GOLPH3L: variants seen among roughly 807,000 people sequenced by gnomAD.
GOLPH3L encodes the protein golgi phosphoprotein 3 like, also known as Golgi phosphoprotein 3-like.
In GOLPH3L, 22 loss-of-function variants were observed where a neutral mutation model predicts 30.3. That is an observed-to-expected ratio of 0.73 (90% CI 0.52 to 1.04). The LOEUF (loss-of-function observed/expected upper bound fraction) is 1.04. Among genes scored for constraint, GOLPH3L ranks in the 50% least tolerant of loss-of-function variants. The pLI is 0.00. For missense variants in GOLPH3L, 303 were observed against 345.8 expected (o/e 0.88, Z 0.98); for synonymous variants, 120 against 128.2 (o/e 0.94, Z 0.43).
chr1:150,687,497 C>T (rs1214809366), intron 2 of GOLPH3L, among the ~76,000 whole-genome samples: 1 of 151,742 alleles, frequency 6.6e-6, no homozygotes, highest in African/African-American at 2.4e-5. Flanking sequence ...GAGAATTGAA[C>T]GCGGGAGGCA....
rs746606453 is a variant in GOLPH3L, at chr1:150,671,296, A to G, written c.184-7533T>C. ...TCATTTGTGTGTGTATTTCTGTTGA[A>G]TATCTAGAAGAAAATTCTGGGTCAA... On this transcript the variant is annotated intron_variant, in intron 2 of 4. Coordinates refer to ENST00000271732, the MANE Select transcript of GOLPH3L (RefSeq NM_018178.6). Among the ~76,000 whole-genome samples the G allele has an allele frequency of 6.3e-4, 96 of 152,178 alleles. 2 individuals are homozygous for G. Among genetic ancestry groups the G allele is most frequent in the Non-Finnish European group, 7.2e-4 (49 of 68,034 alleles).
intron 2 of GOLPH3L, among the ~76,000 whole-genome samples, chr1:150,672,556 G>C (rs1458602469): frequency 6.6e-6 from 1 of 152,012 alleles, no homozygotes; most frequent in Non-Finnish European, 1.5e-5. Flanking sequence ...TCAGCCTCCC[G>C]AGTAGCTGGG....
At position 150,694,811 on chromosome 1, in the gene GOLPH3L, G is replaced by C; in HGVS notation, c.28C>G (p.Arg10Gly). 6.2e-7 allele frequency: 1 copy of C among 1,612,012 alleles called. No individual in the cohort carries two copies. The highest frequency in any genetic ancestry group is 1.1e-5 in the South Asian group (1 of 90,788). Residue 10 changes from arginine (R) to glycine (G), a missense_variant, in exon 2 of 5, where the codon CGC (arginine) becomes GGC (glycine). By Grantham distance (125) the Arg-to-Gly change is moderately radical. Coordinates refer to ENST00000271732, the MANE Select transcript of GOLPH3L (RefSeq NM_018178.6). Reference sequence around the variant, plus strand: ...TCAGAGTTCTTGCTTATTTCAGTGCGACGGGCCCGGTGAGTTAAAGTGGTC... The same window carrying C: ...TCAGAGTTCTTGCTTATTTCAGTGCCACGGGCCCGGTGAGTTAAAGTGGTC... MTTLTHRAR[R>G]TEISKNSEKK...
intron 2 of GOLPH3L, among the ~76,000 whole-genome samples, chr1:150,688,230 A>G (rs1651137039): frequency 6.6e-6 from 1 of 152,202 alleles, no homozygotes; most frequent in Non-Finnish European, 1.5e-5. Context: ...GATACACTGT[A>G]TTTCACAATT....
At chr1:150,651,257 G>A (rs968083645) in intron 4 of GOLPH3L, among the ~76,000 whole-genome samples, 1 of 152,104 alleles carries the variant, frequency 6.6e-6, no homozygotes, top group Non-Finnish European at 1.5e-5. Flanking sequence ...AGGCTGCAAT[G>A]AGCTGAGATA....
chr1:150,694,128 G>T, intron 2 of GOLPH3L: 1 of 444,336 alleles, frequency 2.3e-6, no homozygotes, highest in Non-Finnish European at 4.6e-6. Flanking sequence ...CAAAGTGCTG[G>T]GATTACAGGC....
At chr1:150,691,345 A>G (rs1431505828) in intron 2 of GOLPH3L, among the ~76,000 whole-genome samples, 1 of 152,010 alleles carries the variant, frequency 6.6e-6, no homozygotes, top group African/African-American at 2.4e-5. Context: ...GTGAAACCCC[A>G]TCTCTACTAA....
At chr1:150,692,218 CT>C (rs1382996928) in intron 2 of GOLPH3L, among the ~76,000 whole-genome samples, 1 of 151,972 alleles carries the variant, frequency 6.6e-6, no homozygotes, top group South Asian at 2.1e-4. Flanking sequence ...TGTAACTGGC[CT>C]TTTGTAACTA....
At chr1:150,684,445 G>C (rs1464497678) in intron 2 of GOLPH3L, among the ~76,000 whole-genome samples, 5 of 150,232 alleles carry the variant, frequency 3.3e-5, no homozygotes, top group African/African-American at 4.9e-5. Context: ...GCCTCCCAAA[G>C]TGCTGAGATT....
At chr1:150,678,231 G>A (rs989317353) in intron 2 of GOLPH3L, among the ~76,000 whole-genome samples, 13 of 133,820 alleles carry the variant, frequency 9.7e-5, no homozygotes, top group African/African-American at 2.5e-4. Flanking sequence ...CCCGGGAGGC[G>A]GAGGTTTCAG....
intron 2 of GOLPH3L, among the ~76,000 whole-genome samples, chr1:150,687,736 A>G (rs1651119916): frequency 6.6e-6 from 1 of 152,206 alleles, no homozygotes; most frequent in Non-Finnish European, 1.5e-5. Context: ...TTTATAATTA[A>G]AAATACATAT....
chr1:150,688,690 G>A (rs1353856751), intron 2 of GOLPH3L, among the ~76,000 whole-genome samples: 1 of 152,194 alleles, frequency 6.6e-6, no homozygotes, highest in African/African-American at 2.4e-5. Context: ...GGTGGAGGTT[G>A]CAGTGAGCCA....
chr1:150,678,284 CAAAAAAA>C (rs75131824), intron 2 of GOLPH3L, among the ~76,000 whole-genome samples: 2 of 45,924 alleles, frequency 4.4e-5, no homozygotes, highest in African/African-American at 8.0e-5. Context: ...AACTCCGTCT[CAAAAAAA>C]AAAAAAAAAA....
chr1:150,653,187 AAAAG>A (rs1374860832), intron 4 of GOLPH3L, among the ~76,000 whole-genome samples: 3 of 151,294 alleles, frequency 2.0e-5, no homozygotes, highest in Admixed American at 1.3e-4. Flanking sequence ...AAAAAAAAAA[AAAAG>A]AAAAGAAACA....
At chr1:150,679,754 C>T (rs1265430436) in intron 2 of GOLPH3L, among the ~76,000 whole-genome samples, 3 of 152,218 alleles carry the variant, frequency 2.0e-5, no homozygotes, top group East Asian at 1.9e-4. Context: ...GAGGCATGTT[C>T]GTGCCACTGC....
chr1:150,652,243 T>G (rs966391356), intron 4 of GOLPH3L, among the ~76,000 whole-genome samples: 1 of 151,552 alleles, frequency 6.6e-6, no homozygotes, highest in African/African-American at 2.4e-5. Context: ...AAAGCAGGTG[T>G]GGTGGCATGC....
At chr1:150,668,192 C>G (rs186343130) in intron 2 of GOLPH3L, among the ~76,000 whole-genome samples, 64 of 152,228 alleles carry the variant, frequency 4.2e-4, no homozygotes, top group Non-Finnish European at 6.5e-4. Flanking sequence ...ATCCCTTATG[C>G]CGCAAAAATA....
At position 150,693,776 on chromosome 1, in the gene GOLPH3L, A is replaced by G. The variant is rs587742908; in HGVS notation, c.183+880T>C. On this transcript the variant is annotated intron_variant, in intron 2 of 4. Transcript: ENST00000271732. ...TTTTTAAAAATTTTCAAAAATTAAA[A>G]TAATCCTCAATTGTTTATGTATGTG... Among the ~76,000 whole-genome samples the G allele has an allele frequency of 9.7e-4, 138 of 142,442 alleles. 1 individual carries two copies. The South Asian group carries it at 0.021, about 22-fold the overall frequency. 93.4% of individuals were successfully genotyped at this position (142,442 alleles called of 152,430 possible).
chr1:150,690,161 A>AT (rs1427424775), intron 2 of GOLPH3L, among the ~76,000 whole-genome samples: 1 of 151,542 alleles, frequency 6.6e-6, no homozygotes, highest in Non-Finnish European at 1.5e-5. Flanking sequence ...TAATTTTTAT[A>AT]TTTTTTGTAG....
Sources: gnomAD v4.1 joint callset for allele counts (sites outside exome capture counted in the v4.1 genomes callset) on GRCh38, gnomAD v4.1.1 for gene constraint, MANE v1.5 for transcripts, NCBI Gene and HGNC (gene_info 2026-07-23, HGNC 2026-07-21) for gene names.